STK31: variants seen among roughly 807,000 people sequenced by gnomAD.
The protein encoded by STK31 is serine/threonine-protein kinase 31.
A neutral mutation model predicts 129.7 loss-of-function variants in STK31; 89 were observed. The ratio of observed to expected loss-of-function variants is 0.69; its 90% CI spans 0.58 to 0.82. The LOEUF is 0.82. Among genes scored for constraint, STK31 ranks in the 40% least tolerant of loss-of-function variants. STK31 has a pLI of 0.00. For synonymous variants in STK31, 448 were observed against 395.3 expected, an observed-to-expected ratio of 1.13 and a Z score of -1.58; for missense variants, 1,187 against 1,176.4, an observed-to-expected ratio of 1.01 and a Z score of -0.13.
chr7:23,773,477 A>G (rs1422176855), intron 15 of STK31, among the ~76,000 whole-genome samples: 3 of 152,114 alleles, frequency 2.0e-5, no homozygotes, highest in Non-Finnish European at 2.9e-5. Context: ...AGTCTTTGCT[A>G]TTGTGAACAG....
At chr7:23,754,513 T>C (rs753753726) in intron 10 of STK31, 39 bp downstream of exon 10, 6 of 1,542,884 alleles carry the variant, frequency 3.9e-6, no homozygotes, top group South Asian at 3.6e-5. Context: ...TTTTTATCTG[T>C]TGAACATAAG....
At chr7:23,714,261 C>T (rs1253194277) in intron 3 of STK31, among the ~76,000 whole-genome samples, 4 of 152,196 alleles carry the variant, frequency 2.6e-5, no homozygotes, top group Non-Finnish European at 5.9e-5. Flanking sequence ...TGCATATTCT[C>T]TAAAGGTTGC....
chr7:23,739,906 G>T (rs571328519), intron 8 of STK31, among the ~76,000 whole-genome samples: 1 of 152,128 alleles, frequency 6.6e-6, no homozygotes, highest in African/African-American at 2.4e-5. Flanking sequence ...GTCAGATAGC[G>T]TGATGTCTCC....
At chr7:23,754,206 C>A in intron 9 of STK31, 109 bp from the exon 10 acceptor site, 2 of 1,053,852 alleles carry the variant, frequency 1.9e-6, no homozygotes, top group East Asian at 2.6e-5. Context: ...CCCTTCAAAG[C>A]CAGTGCTGTA....
intron 12 of STK31, 58 bp downstream of exon 12, chr7:23,769,232 A>C: frequency 7.0e-7 from 1 of 1,428,002 alleles, no homozygotes; most frequent in Non-Finnish European, 9.2e-7. Context: ...TATATATTTT[A>C]AAAATCACGC....
At chr7:23,738,605 T>C (rs946652706) in intron 8 of STK31, among the ~76,000 whole-genome samples, 1 of 152,022 alleles carries the variant, frequency 6.6e-6, no homozygotes, top group African/African-American at 2.4e-5. Flanking sequence ...GCCTTATTTA[T>C]ATCCCCAATG....
At chr7:23,808,979 C>CGCCTG (rs1792914295) in intron 22 of STK31, among the ~76,000 whole-genome samples, 1 of 35,784 alleles carries the variant, frequency 2.8e-5, no homozygotes, top group Non-Finnish European at 6.8e-5. Flanking sequence ...GTGCCTGTGT[C>CGCCTG]TGTTGGCATT....
chr7:23,817,046 G>C (rs1793509320), intron 23 of STK31, among the ~76,000 whole-genome samples: 1 of 152,130 alleles, frequency 6.6e-6, no homozygotes, highest in African/African-American at 2.4e-5. Context: ...AAATTAGCTG[G>C]ATGTGCTGGC....
intron 7 of STK31, among the ~76,000 whole-genome samples, chr7:23,736,413 T>C (rs534261700): frequency 2.0e-5 from 3 of 152,110 alleles, no homozygotes; most frequent in African/African-American, 7.2e-5. Flanking sequence ...AGATTTGATA[T>C]TTATATGTAT....
intron 10 of STK31, chr7:23,755,087 A>G (rs1161473314): frequency 3.9e-5 from 6 of 152,166 alleles, no homozygotes; most frequent in Non-Finnish European, 8.8e-5. Context: ...CGTCTTCCAC[A>G]ATGGTTGAAC....
intron 10 of STK31, among the ~76,000 whole-genome samples, chr7:23,754,761 ATTC>A (rs1788950469): frequency 6.6e-6 from 1 of 151,944 alleles, no homozygotes. Flanking sequence ...TTGGTTTTCT[ATTC>A]TTGTGTTAGT....
chr7:23,749,529 T>G (rs74465437), intron 8 of STK31, among the ~76,000 whole-genome samples: 31,767 of 147,768 alleles, frequency 0.21, 4,236 homozygotes, highest in East Asian at 0.38. Flanking sequence ...TTTTTTTTTT[T>G]TTGGGGGTAG....
intron 8 of STK31, among the ~76,000 whole-genome samples, chr7:23,747,622 C>A (rs1259058060): frequency 6.6e-6 from 1 of 152,206 alleles, no homozygotes; most frequent in African/African-American, 2.4e-5. Flanking sequence ...CCCGCCTCGG[C>A]CTCCCAAAGT....
chr7:23,771,932 TAC>T, intron 14 of STK31: 1 of 311,792 alleles, frequency 3.2e-6, no homozygotes, highest in Non-Finnish European at 5.8e-6. Context: ...TTGTCTTTGT[TAC>T]TTTGAGTGCT....
intron 22 of STK31, among the ~76,000 whole-genome samples, chr7:23,791,675 G>A (rs944906065): frequency 2.6e-5 from 4 of 152,160 alleles, no homozygotes; most frequent in Non-Finnish European, 4.4e-5. Context: ...GCTATTTTAC[G>A]TAGAGAATGC....
chr7:23,826,470 T>G (rs1032177359), intron 23 of STK31, among the ~76,000 whole-genome samples: 3 of 152,208 alleles, frequency 2.0e-5, no homozygotes, highest in Admixed American at 2.0e-4. Flanking sequence ...CCTCCATCCC[T>G]TTATTTTGAG....
At chr7:23,768,254 A>G (rs1029194856) in intron 11 of STK31, among the ~76,000 whole-genome samples, 9 of 152,270 alleles carry the variant, frequency 5.9e-5, no homozygotes, top group East Asian at 1.9e-4. Flanking sequence ...TGCTATATCT[A>G]GGAGCAGTAG....
chr7:23,806,599 G>C (rs1425492415), intron 22 of STK31, among the ~76,000 whole-genome samples: 1 of 152,142 alleles, frequency 6.6e-6, no homozygotes, highest in Non-Finnish European at 1.5e-5. Context: ...GAATGTAGGA[G>C]GATTAAGAGA....
intron 22 of STK31, among the ~76,000 whole-genome samples, chr7:23,798,545 T>C (rs1337361430): frequency 6.6e-6 from 1 of 151,650 alleles, no homozygotes; most frequent in Non-Finnish European, 1.5e-5. Context: ...TTGATAAAAT[T>C]CAACACCCTT....
Sources: allele counts gnomAD v4.1 joint callset (sites outside exome capture counted in the v4.1 genomes callset), GRCh38; gene constraint gnomAD v4.1.1; transcripts MANE v1.5; gene names NCBI Gene and HGNC (gene_info 2026-07-23, HGNC 2026-07-21).